Variants in PLA2G5 observed in about 807,000 individuals in gnomAD.
PLA2G5 encodes Ca2+-dependent phospholipase A2.
Under a neutral mutation model 15.9 loss-of-function variants are expected in PLA2G5, and 12 were observed. That is an observed-to-expected ratio of 0.76 (90% CI 0.48 to 1.23). PLA2G5 has a LOEUF of 1.23. PLA2G5 is among the 50% of genes most tolerant of loss of function. The probability of loss-of-function intolerance (pLI) is 0.00; values close to 1 mark genes in which losing one functional copy is unlikely to be tolerated. For missense variants in PLA2G5, 169 were observed against 177.1 expected, an observed-to-expected ratio of 0.95 and a Z score of 0.26; for synonymous variants, 71 against 71.4, an observed-to-expected ratio of 0.99 and a Z score of 0.03.
At position 20,070,330 on chromosome 1, in the gene PLA2G5, C is replaced by A. The variant is rs910718488; in HGVS notation, c.-146C>A. 2.0e-6 allele frequency: 2 copies of A among 985,376 alleles called. No individual in the cohort carries two copies. The highest frequency in any genetic ancestry group is 2.4e-6 in the Non-Finnish European group (2 of 829,972). 61.0% of individuals were successfully genotyped at this position (985,376 alleles called of 1,614,324 possible). A position where few individuals can be genotyped will look rare whatever the true frequency, so the allele number is the denominator to read the frequency against. On this transcript the variant is annotated 5_prime_UTR_variant, in exon 1 of 5. Coordinates refer to ENST00000375108, the MANE Select transcript of PLA2G5 (RefSeq NM_000929.3). ...TGGAGGCCAAGAATTTGACTCCCCC[C>A]GGATCCATGGTCTGTGGATACCAAT...
At chr1:20,054,871 C>G (rs995498024) in intron 1 of PLA2G5, 2 of 152,134 alleles carry the variant, frequency 1.3e-5, no homozygotes, top group Admixed American at 6.6e-5. Flanking sequence ...TTAGGTGATA[C>G]CAAATTCCCC....
chr1:20,065,745 G>A (rs1414349768), upstream of PLA2G5, among the ~76,000 whole-genome samples: 2 of 152,202 alleles, frequency 1.3e-5, no homozygotes, highest in Non-Finnish European at 2.9e-5. Context: ...AAACATTTGT[G>A]TGCAGGTTTT....
rs142392509 is a variant in PLA2G5, at chr1:20,057,399, T to G, written n.277-2233T>G. Reference sequence around the variant, plus strand: ...TTGTCACTGCATCCCATAAATTTTTTGGGGGGTAATTTCTGCTTTGCAGAA... The same window carrying G: ...TTGTCACTGCATCCCATAAATTTTTGGGGGGGTAATTTCTGCTTTGCAGAA... On this transcript the variant is annotated intron_variant and non_coding_transcript_variant, in intron 1 of 6. Transcript: ENST00000460175. Among the ~76,000 whole-genome samples the G allele has an allele frequency of 1.8e-3, 275 of 152,220 alleles. 2 individuals carry two copies. Among genetic ancestry groups the G allele is most frequent in the Non-Finnish European group, 3.1e-3 (208 of 68,012 alleles).
At chr1:20,028,694 T>C (rs2012689325) in exon 1 of PLA2G5, 1 of 152,224 alleles carries the variant, frequency 6.6e-6, no homozygotes, top group South Asian at 2.1e-4. Context: ...TTTGGGAGAC[T>C]GACTGGGCTA....
chr1:20,059,753 C>A (rs116771730), intron 2 of PLA2G5: 3 of 152,240 alleles, frequency 2.0e-5, no homozygotes, highest in African/African-American at 7.2e-5. Flanking sequence ...GAATTGAAAT[C>A]AGAATTGAGT....
chr1:20,088,402 C>T (rs185630136), intron 3 of PLA2G5, among the ~76,000 whole-genome samples: 51 of 148,904 alleles, frequency 3.4e-4, no homozygotes, highest in Non-Finnish European at 7.1e-4. Context: ...AACATGGGAT[C>T]CCCAGTGGGA....
chr1:20,059,613 C>G (rs1220038124), intron 1 of PLA2G5: 1 of 152,190 alleles, frequency 6.6e-6, no homozygotes, highest in African/African-American at 2.4e-5. Context: ...TGCTCAACAT[C>G]TATTTCATCT....
At chr1:20,069,620 C>T (rs2015233123), upstream of PLA2G5, among the ~76,000 whole-genome samples, 1 of 149,290 alleles carries the variant, frequency 6.7e-6, no homozygotes. Context: ...GAGATTGCAC[C>T]ACTGCACTCC....
chr1:20,055,548 T>C (rs1425644200), intron 1 of PLA2G5, among the ~76,000 whole-genome samples: 1 of 152,172 alleles, frequency 6.6e-6, no homozygotes, highest in Non-Finnish European at 1.5e-5. Flanking sequence ...ACCATAGAGC[T>C]GGTAGCTGCA....
intron 3 of PLA2G5, chr1:20,089,085 G>A (rs1040736598): frequency 1.3e-5 from 2 of 152,308 alleles, no homozygotes; most frequent in African/African-American, 2.4e-5. Flanking sequence ...ATAGGCATGA[G>A]CCACCGCGCC....
chr1:20,059,541 GT>G (rs1249560029), intron 1 of PLA2G5: 5 of 152,214 alleles, frequency 3.3e-5, no homozygotes, highest in African/African-American at 1.2e-4. Context: ...TGGGAAGAGG[GT>G]TATGCATCAG....
At chr1:20,047,354 GAA>G (rs200094633) in intron 1 of PLA2G5, among the ~76,000 whole-genome samples, 3 of 139,656 alleles carry the variant, frequency 2.1e-5, no homozygotes, top group South Asian at 2.3e-4. Context: ...CTCCTTTTAG[GAA>G]AAAAAAAAAA....
At chr1:20,040,901 C>G (rs1039627567) in intron 1 of PLA2G5, among the ~76,000 whole-genome samples, 2 of 152,144 alleles carry the variant, frequency 1.3e-5, no homozygotes, top group Non-Finnish European at 2.9e-5. Context: ...GACCTGGAAG[C>G]CCCCTACCCG....
At chr1:20,079,494 A>T (rs998422417) in intron 1 of PLA2G5, among the ~76,000 whole-genome samples, 6 of 152,038 alleles carry the variant, frequency 3.9e-5, no homozygotes, top group Non-Finnish European at 7.4e-5. Flanking sequence ...TATATGCCTT[A>T]TTTTTATTTT....
intron 2 of PLA2G5, among the ~76,000 whole-genome samples, chr1:20,085,192 A>G (rs1354961043): frequency 6.6e-6 from 1 of 152,198 alleles, no homozygotes; most frequent in Non-Finnish European, 1.5e-5. Context: ...AAATAAAATA[A>G]GATTTACAAA....
In PLA2G5 at chr1:20,091,018, CT is replaced by C. The variant is rs924827833; in HGVS notation, c.*329del. 1 of 238,706 alleles carries C rather than the reference CT, an allele frequency of 4.2e-6. No individual in the cohort carries two copies. Among genetic ancestry groups the C allele is most frequent in the African/African-American group, 2.2e-5 (1 of 44,748 alleles). 14.8% of individuals were successfully genotyped at this position (238,706 alleles called of 1,614,324 possible). On this transcript the variant is annotated 3_prime_UTR_variant, in exon 5 of 5. Transcript: ENST00000375108. ...CAGCGTCCTGGCTCCAGTTGGAACA[CT>C]TTCCTGAGATGCACTTACTTCTCAG...
rs11573263 is a variant in PLA2G5 at position 20,084,924 on chromosome 1, G to C, written c.40+54G>C. On this transcript the variant is annotated intron_variant, in intron 2 of 4. Transcript: ENST00000375108. ...GAACTTTTACCCCATGGGAGTAACA[G>C]GGTGGTGAAAAGGACACCAGCCATT... is the stretch of plus-strand genomic sequence containing the variant. The C allele has an allele frequency of 2.9e-4, 371 of 1,287,504 alleles. 1 individual carries two copies. The African/African-American group carries it at 4.6e-3, about 16-fold the overall frequency. The allele number at this position is 1,287,504 out of a possible 1,614,324, so 79.8% of individuals were successfully genotyped here. A position where few individuals can be genotyped will look rare whatever the true frequency, so the allele number is the denominator to read the frequency against.
At chr1:20,029,194 T>C (rs2012743091) in intron 1 of PLA2G5, among the ~76,000 whole-genome samples, 1 of 152,090 alleles carries the variant, frequency 6.6e-6, no homozygotes, top group Non-Finnish European at 1.5e-5. Context: ...GGAGATGGTT[T>C]TCCCCTGGTT....
At chr1:20,040,562 T>C (rs1477510591) in intron 1 of PLA2G5, among the ~76,000 whole-genome samples, 6 of 136,532 alleles carry the variant, frequency 4.4e-5, no homozygotes, top group Non-Finnish European at 9.3e-5. Context: ...ATGTCATTGC[T>C]TCAAAGCTGA....
Sources: gnomAD v4.1 joint callset for allele counts (sites outside exome capture counted in the v4.1 genomes callset) on GRCh38, gnomAD v4.1.1 for gene constraint, MANE v1.5 for transcripts, NCBI Gene and HGNC (gene_info 2026-07-23, HGNC 2026-07-21) for gene names.